The following DPY19L1 variants were observed in gnomAD, a reference collection of about 807,000 sequenced individuals.
The protein encoded by DPY19L1 is protein C-mannosyl-transferase DPY19L1.
A neutral mutation model predicts 96.9 loss-of-function variants in DPY19L1; 35 were observed. That is an observed-to-expected ratio of 0.36 (90% CI 0.28 to 0.48). The LOEUF (loss-of-function observed/expected upper bound fraction) is 0.48. DPY19L1 is among the 20% of genes least tolerant of loss of function. DPY19L1 has a pLI of 0.99. For synonymous variants in DPY19L1, 205 were observed against 252.6 expected (o/e 0.81, Z 1.79); for missense variants, 521 against 777.9 (o/e 0.67, Z 3.93).
intron 13 of DPY19L1, among the ~76,000 whole-genome samples, chr7:34,954,055 T>C (rs1281035848): frequency 2.0e-5 from 3 of 152,216 alleles, no homozygotes; most frequent in Admixed American, 6.5e-5. Context: ...ATTTTTTCCA[T>C]GTTGGTTCTT....
At chr7:35,012,900 G>T (rs183176536) in intron 4 of DPY19L1, among the ~76,000 whole-genome samples, 1,593 of 141,610 alleles carry the variant, frequency 0.011, 37 homozygotes, top group African/African-American at 0.038. Flanking sequence ...AAGTAAAAAT[G>T]CATTATGTAT....
chr7:35,010,180 A>C (rs1209439309), intron 6 of DPY19L1, among the ~76,000 whole-genome samples: 1 of 152,158 alleles, frequency 6.6e-6, no homozygotes, highest in East Asian at 1.9e-4. Flanking sequence ...CAGTGAGCAG[A>C]GATCACACTA....
intron 9 of DPY19L1, 109 bp downstream of exon 9, chr7:34,969,324 G>A (rs528293266): frequency 1.9e-6 from 1 of 518,702 alleles, no homozygotes; most frequent in African/African-American, 2.0e-5. Context: ...AAATGTTTTA[G>A]TGTTTTAGGA....
intron 9 of DPY19L1, 109 bp downstream of exon 9, chr7:34,969,324 G>C: frequency 1.9e-6 from 1 of 518,704 alleles, no homozygotes; most frequent in Non-Finnish European, 3.2e-6. Context: ...AAATGTTTTA[G>C]TGTTTTAGGA....
rs144413327 is a variant in DPY19L1 at position 35,006,250 on chromosome 7, CTA to C, written c.764+4216_764+4217del. Among the ~76,000 whole-genome samples the C allele has an allele frequency of 4.2e-3, 634 of 152,318 alleles. 1 individual carries two copies. Among genetic ancestry groups the C allele is most frequent in the African/African-American group, 0.014 (591 of 41,560 alleles). On this transcript the variant is annotated intron_variant, in intron 6 of 21. Coordinates refer to ENST00000638088, the MANE Select transcript of DPY19L1 (RefSeq NM_001366673.1). ...TTAACAGCTTAATACACTATCCAAT[CTA>C]TTCTTCCTCAACAATGCACCATAAC... is the stretch of plus-strand genomic sequence containing the variant.
chr7:35,035,070 C>T (rs987319017), intron 1 of DPY19L1, among the ~76,000 whole-genome samples: 3 of 152,142 alleles, frequency 2.0e-5, no homozygotes, highest in African/African-American at 7.2e-5. Flanking sequence ...CAGTTTATGA[C>T]GGTACAGAGC....
At chr7:34,937,565 C>A (rs959343664) in intron 21 of DPY19L1, among the ~76,000 whole-genome samples, 12 of 151,968 alleles carry the variant, frequency 7.9e-5, no homozygotes, top group African/African-American at 2.9e-4. Context: ...AGGTAGTATA[C>A]ACATACAAAT....
rs1783979968 is a variant in DPY19L1 at position 34,940,419 on chromosome 7, C to T, written c.1690-92G>A. The T allele has an allele frequency of 6.0e-6, 6 of 1,002,846 alleles. 1 individual carries two copies. The South Asian group carries it at 1.4e-4, about 23-fold the overall frequency. 62.1% of individuals were successfully genotyped at this position (1,002,846 alleles called of 1,614,324 possible). On this transcript the variant is annotated intron_variant, in intron 18 of 21. Transcript: ENST00000638088. ...TTCTTCCCAGAGAAGAATAAGGCCT[C>T]TGCTAGAGTCCCAAATAAAGGATTA... is the stretch of plus-strand genomic sequence containing the variant.
intron 16 of DPY19L1, 107 bp from the exon 17 acceptor site, chr7:34,942,746 C>CAG (rs1784049957): frequency 2.3e-6 from 2 of 880,830 alleles, no homozygotes; most frequent in Non-Finnish European, 3.6e-6. Context: ...CTATAACATT[C>CAG]TCTCAGGACA....
At chr7:34,932,332 G>C (rs1218147690) in intron 21 of DPY19L1, among the ~76,000 whole-genome samples, 1 of 152,180 alleles carries the variant, frequency 6.6e-6, no homozygotes, top group Non-Finnish European at 1.5e-5. Flanking sequence ...GCTTAGCCTA[G>C]CCTACCTTAA....
At chr7:34,963,193 CAAAA>C (rs58387078) in intron 10 of DPY19L1, among the ~76,000 whole-genome samples, 14 of 78,786 alleles carry the variant, frequency 1.8e-4, no homozygotes, top group Admixed American at 2.8e-4. Flanking sequence ...AGATCTGTCT[CAAAA>C]AAAAAAAAAA....
intron 16 of DPY19L1, 56 bp downstream of exon 16, chr7:34,945,611 A>G: frequency 2.5e-6 from 3 of 1,201,276 alleles, no homozygotes; most frequent in Non-Finnish European, 3.6e-6. Context: ...TACACTGTAA[A>G]TATCTATTTA....
chr7:35,004,838 A>G (rs1053418964), intron 6 of DPY19L1, among the ~76,000 whole-genome samples: 1 of 152,208 alleles, frequency 6.6e-6, no homozygotes, highest in African/African-American at 2.4e-5. Context: ...CAAAAGTCCA[A>G]GTAGGCAGCA....
chr7:34,978,848 T>C (rs545824540), intron 7 of DPY19L1, among the ~76,000 whole-genome samples: 2 of 152,208 alleles, frequency 1.3e-5, no homozygotes, highest in East Asian at 1.9e-4. Flanking sequence ...TTGAGAGTCA[T>C]GTTGGCACTC....
chr7:35,003,675 T>C (rs1259973508), intron 6 of DPY19L1, among the ~76,000 whole-genome samples: 1 of 152,234 alleles, frequency 6.6e-6, no homozygotes, highest in Non-Finnish European at 1.5e-5. Flanking sequence ...TATCCCAGGC[T>C]CATGACGTTG....
At chr7:35,033,201 G>A (rs329266) in intron 1 of DPY19L1, among the ~76,000 whole-genome samples, 71,803 of 151,858 alleles carry the variant, frequency 0.47, 17,412 homozygotes, top group Admixed American at 0.61. Context: ...TCTTCTGTTC[G>A]GCTGACATCT....
intron 6 of DPY19L1, among the ~76,000 whole-genome samples, chr7:34,992,501 T>A (rs961276745): frequency 6.6e-6 from 1 of 151,802 alleles, no homozygotes. Context: ...TTCAGTACAA[T>A]GACTAGAGAA....
chr7:35,037,782 C>A, upstream of DPY19L1: 1 of 1,186,240 alleles, frequency 8.4e-7, no homozygotes, highest in South Asian at 4.2e-5. Flanking sequence ...CCGGCGCAGG[C>A]GGGGCCCGAC....
chr7:34,970,557 T>G (rs1403637060), intron 8 of DPY19L1, among the ~76,000 whole-genome samples: 1 of 152,208 alleles, frequency 6.6e-6, no homozygotes. Context: ...TAAGCCGCAG[T>G]GTAAAACTTA....
Sources: allele counts gnomAD v4.1 joint callset (sites outside exome capture counted in the v4.1 genomes callset), GRCh38; gene constraint gnomAD v4.1.1; transcripts MANE v1.5; gene names NCBI Gene and HGNC (gene_info 2026-07-23, HGNC 2026-07-21).